Variants in YAF2 observed in about 807,000 individuals in gnomAD.
The protein encoded by YAF2 is YY1 associated factor 2.
In YAF2, 7 loss-of-function variants were observed where a neutral mutation model predicts 20.1. That is an observed-to-expected ratio of 0.35 (90% CI 0.20 to 0.65). The LOEUF is 0.65. YAF2 is among the 30% of genes least tolerant of loss of function. The pLI is 0.69. For missense variants in YAF2, 151 were observed against 219.2 expected (o/e 0.69, Z 1.96); for synonymous variants, 74 against 76.0 (o/e 0.97, Z 0.14).
Position 42,169,238 on chromosome 12 carries a change from A to G in YAF2, c.153-7473T>C, listed in dbSNP as rs181187975. Among the ~76,000 whole-genome samples the G allele has an allele frequency of 7.9e-3, 1,205 of 152,202 alleles. 17 individuals carry two copies. Among genetic ancestry groups the G allele is most frequent in the Non-Finnish European group, 9.2e-3 (628 of 67,984 alleles). ...TCTGTGTATCATGACATTATTTAACATTCTCCTGCACCATAGCTACAAAGG... is the reference window on the plus strand; with the variant it reads ...TCTGTGTATCATGACATTATTTAACGTTCTCCTGCACCATAGCTACAAAGG... On this transcript the variant is annotated intron_variant, in intron 2 of 3. Coordinates refer to ENST00000534854, the MANE Select transcript of YAF2 (RefSeq NM_005748.6).
intron 2 of YAF2, among the ~76,000 whole-genome samples, chr12:42,173,305 C>A (rs1439942057): frequency 1.3e-5 from 2 of 152,172 alleles, no homozygotes; most frequent in Non-Finnish European, 2.9e-5. Context: ...CAGACCAGAA[C>A]ACAATTTTCC....
At chr12:42,210,473 C>G (rs1474008062) in intron 2 of YAF2, 61 of 1,535,594 alleles carry the variant, frequency 4.0e-5, no homozygotes, top group Non-Finnish European at 5.3e-5. Context: ...GCATGCAGTA[C>G]AGACGTATAT....
chr12:42,158,184 G>C lies in YAF2; in HGVS notation c.*2405C>G, dbSNP rs2136936782. ...AACAAAGGCAGGTTGAGATACCTGT[G>C]ATTAATAAAAGTAAAATAATTTCAA... is the stretch of plus-strand genomic sequence containing the variant. On this transcript the variant is annotated 3_prime_UTR_variant, in exon 4 of 4. Coordinates refer to ENST00000534854, the MANE Select transcript of YAF2 (RefSeq NM_005748.6). 3 of 152,216 alleles carry C rather than the reference G, an allele frequency of 2.0e-5. 1 individual carries two copies. In the South Asian group the frequency reaches 6.2e-4, roughly 32 times the overall value. 9.4% of individuals were successfully genotyped at this position (152,216 alleles called of 1,614,324 possible). A position where few individuals can be genotyped will look rare whatever the true frequency, so the allele number is the denominator to read the frequency against.
At chr12:42,224,555 G>C (rs1217175562) in intron 2 of YAF2, among the ~76,000 whole-genome samples, 3 of 151,534 alleles carry the variant, frequency 2.0e-5, no homozygotes. Flanking sequence ...AGGCCCCCGT[G>C]TGTGATGTTC....
chr12:42,163,256 G>GA lies in YAF2; in HGVS notation c.153-1492dup, dbSNP rs968967355. Reference sequence around the variant, plus strand: ...GAGATGGAGAGCAGAGTGGCAGAGTGAAAAAAAACCAAGCTGGACAGATAA... The same window carrying GA: ...GAGATGGAGAGCAGAGTGGCAGAGTGAAAAAAAAACCAAGCTGGACAGATAA... On this transcript the variant is annotated intron_variant, in intron 2 of 3. Transcript: ENST00000534854. 1.1e-4 allele frequency among the ~76,000 whole-genome samples: 16 copies of GA among 151,808 alleles called. No homozygotes were observed. The East Asian group carries it at 1.2e-3, about 11-fold the overall frequency.
chr12:42,234,385 G>C (rs955275645), intron 2 of YAF2: 1 of 985,244 alleles, frequency 1.0e-6, no homozygotes, highest in African/African-American at 1.7e-5. Context: ...GGAGTGAGGG[G>C]CTGAAAAATG....
chr12:42,210,859 C>G (rs1338601495), intron 2 of YAF2: 2 of 467,824 alleles, frequency 4.3e-6, no homozygotes, highest in Non-Finnish European at 3.6e-6. Flanking sequence ...ATAAGGAAAT[C>G]ATTAGAATGG....
chr12:42,227,795 TG>T (rs529974108), intron 2 of YAF2, among the ~76,000 whole-genome samples: 2,182 of 107,368 alleles, frequency 0.02, 62 homozygotes, highest in African/African-American at 0.072. Context: ...GGGAGGGAGG[TG>T]GGGGGGTCAG....
At chr12:42,184,025 T>A (rs1431853052) in intron 2 of YAF2, among the ~76,000 whole-genome samples, 2 of 152,240 alleles carry the variant, frequency 1.3e-5, no homozygotes, top group East Asian at 3.8e-4. Context: ...AAAGCCTGGA[T>A]GATAGCACAT....
intron 2 of YAF2, among the ~76,000 whole-genome samples, chr12:42,227,053 C>G (rs919214566): frequency 8.2e-5 from 12 of 145,778 alleles, no homozygotes; most frequent in African/African-American, 3.0e-4. Flanking sequence ...CTGCCGCGAC[C>G]GACCGCAGCC....
chr12:42,211,027 T>C (rs1565637774), intron 2 of YAF2, among the ~76,000 whole-genome samples: 1 of 152,212 alleles, frequency 6.6e-6, no homozygotes, highest in East Asian at 1.9e-4. Flanking sequence ...AACTAGCCAT[T>C]GTCATTAACA....
At chr12:42,232,819 T>C in intron 2 of YAF2, 2 of 985,392 alleles carry the variant, frequency 2.0e-6, no homozygotes, top group Non-Finnish European at 2.4e-6. Flanking sequence ...TAAAAGAAGC[T>C]GAAATAACTC....
intron 2 of YAF2, among the ~76,000 whole-genome samples, chr12:42,230,476 A>G (rs2067953363): frequency 6.6e-6 from 1 of 152,078 alleles, no homozygotes; most frequent in African/African-American, 2.4e-5. Context: ...AATAGGACTC[A>G]ATTTTTTTTT....
intron 2 of YAF2, among the ~76,000 whole-genome samples, chr12:42,180,756 C>T (rs1019719635): frequency 5.9e-5 from 9 of 152,028 alleles, no homozygotes; most frequent in African/African-American, 1.9e-4. Context: ...TGAGACCAGC[C>T]TGGTCAACAT....
intron 2 of YAF2, among the ~76,000 whole-genome samples, chr12:42,229,434 A>AC (rs1162176350): frequency 6.6e-6 from 1 of 151,614 alleles, no homozygotes; most frequent in Non-Finnish European, 1.5e-5. Context: ...AAAAAAAAAA[A>AC]AACATTTAAA....
intron 2 of YAF2, among the ~76,000 whole-genome samples, chr12:42,208,408 C>T (rs1002106175): frequency 6.6e-6 from 1 of 151,422 alleles, no homozygotes; most frequent in African/African-American, 2.4e-5. Flanking sequence ...CCTGGGCGAT[C>T]GAGTGAGACT....
Position 42,211,781 on chromosome 12 carries a change from G to T in YAF2, c.152+25818C>A, listed in dbSNP as rs147185131. On this transcript the variant is annotated intron_variant, in intron 2 of 3. Coordinates refer to ENST00000534854, the MANE Select transcript of YAF2 (RefSeq NM_005748.6). ...AAAAAAAAGTCAGCCAGGCACGGTG[G>T]CTTGCACCTGTGATTCCAGCACTTT... Among the ~76,000 whole-genome samples, 744 of 151,552 alleles carry T rather than the reference G, an allele frequency of 4.9e-3. 6 individuals carry two copies. The highest frequency in any genetic ancestry group is 0.017 in the African/African-American group (719 of 41,322).
chr12:42,205,538 C>T (rs1307357367), intron 2 of YAF2, among the ~76,000 whole-genome samples: 1 of 152,094 alleles, frequency 6.6e-6, no homozygotes, highest in African/African-American at 2.4e-5. Context: ...TCATGCCTGG[C>T]TAATTTTTGT....
At chr12:42,187,084 A>G (rs925117442) in intron 2 of YAF2, among the ~76,000 whole-genome samples, 3 of 152,176 alleles carry the variant, frequency 2.0e-5, no homozygotes, top group African/African-American at 7.2e-5. Context: ...GATTTGGTTT[A>G]TTATGAATAA....
Sources: allele counts gnomAD v4.1 joint callset (sites outside exome capture counted in the v4.1 genomes callset), GRCh38; gene constraint gnomAD v4.1.1; transcripts MANE v1.5; gene names NCBI Gene and HGNC (gene_info 2026-07-23, HGNC 2026-07-21).